The following SNTG1 variants were observed in gnomAD, a reference collection of about 807,000 sequenced individuals.
SNTG1 encodes the protein syntrophin gamma 1.
SNTG1 carries 39 observed loss-of-function variants against 74.7 expected under a neutral mutation model. That is an observed-to-expected ratio of 0.52 (90% CI 0.40 to 0.68). The LOEUF (loss-of-function observed/expected upper bound fraction) is 0.68, where lower values mean the gene tolerates loss of function less well. SNTG1 is among the 30% of genes least tolerant of loss of function. The pLI is 0.00. For missense variants in SNTG1, 685 were observed against 609.5 expected (o/e 1.12, Z -1.30); for synonymous variants, 254 against 217.1 (o/e 1.17, Z -1.49).
Position 50,658,604 on chromosome 8 carries a change from G to A in SNTG1, c.979G>A (p.Asp327Asn). The A allele has an allele frequency of 6.2e-7, 1 of 1,607,538 alleles. No homozygotes were observed. The highest frequency in any genetic ancestry group is 1.3e-5 in the African/African-American group (1 of 74,834). ...TTATCTTTTAAAGGTGACCACCTGGGACTGGACGAGAGCAGAGAAAACATT... is the reference window on the plus strand; with the variant it reads ...TTATCTTTTAAAGGTGACCACCTGGAACTGGACGAGAGCAGAGAAAACATT... ...KFLAPPVTTW[D>N]WTRAEKTFSV... The change falls in exon 15 of 19, where the codon GAC becomes AAC. Residue 327 changes from aspartate to asparagine, a missense_variant. Transcript: ENST00000642720.
chr8:50,346,017 A>G (rs1200293619), intron 2 of SNTG1, among the ~76,000 whole-genome samples: 1 of 152,134 alleles, frequency 6.6e-6, no homozygotes, highest in African/African-American at 2.4e-5. Context: ...TCTTTCATTC[A>G]TGTCTTAATT....
At position 50,686,998 on chromosome 8, in the gene SNTG1, A is replaced by C. The variant is rs3860838; in HGVS notation, c.1039-17602A>C. On this transcript the variant is annotated intron_variant, in intron 15 of 18. Coordinates refer to ENST00000642720, the MANE Select transcript of SNTG1 (RefSeq NM_018967.5). ...AAAATACAAAAAATTAGCCGGGCGC[A>C]GTGGCGGGCGCCTGTAGTCCCAGCT... 7.3e-5 allele frequency among the ~76,000 whole-genome samples: 11 copies of C among 150,090 alleles called. No homozygotes were observed. The East Asian group carries it at 9.8e-4, about 13-fold the overall frequency.
In SNTG1 at chr8:50,535,283, C is replaced by T. The variant is rs78890243; in HGVS notation, c.550-1395C>T. Among the ~76,000 whole-genome samples the T allele has an allele frequency of 2.8e-3, 424 of 152,282 alleles. 3 individuals are homozygous for T. The highest frequency in any genetic ancestry group is 9.8e-3 in the African/African-American group (408 of 41,566). On this transcript the variant is annotated intron_variant, in intron 10 of 18. Transcript: ENST00000642720. ...TCAGTTGGGAAACTGGTATTCAAAT[C>T]TAAGTGTTCTGATTCTGACTTGCAG...
At chr8:50,771,473 T>C (rs919783058) in intron 18 of SNTG1, among the ~76,000 whole-genome samples, 6 of 152,060 alleles carry the variant, frequency 3.9e-5, no homozygotes, top group South Asian at 4.1e-4. Flanking sequence ...TGCAGTAAGA[T>C]TTAAGAGCAA....
chr8:50,158,960 G>T (rs534346076), intron 1 of SNTG1, among the ~76,000 whole-genome samples: 13 of 152,184 alleles, frequency 8.5e-5, no homozygotes, highest in African/African-American at 2.6e-4. Context: ...CAAACCAGTT[G>T]CTCCTCTTAG....
intron 1 of SNTG1, among the ~76,000 whole-genome samples, chr8:49,933,164 G>A (rs1007063969): frequency 6.6e-6 from 1 of 152,078 alleles, no homozygotes; most frequent in East Asian, 1.9e-4. Flanking sequence ...GGGTCATATG[G>A]ACTAACATCA....
chr8:50,744,429 T>A (rs1318610277), intron 17 of SNTG1, among the ~76,000 whole-genome samples: 1 of 151,866 alleles, frequency 6.6e-6, no homozygotes, highest in Non-Finnish European at 1.5e-5. Context: ...ATGAAAGCAA[T>A]ATAAAAGAAA....
At chr8:50,268,492 A>G (rs1207944783) in intron 2 of SNTG1, among the ~76,000 whole-genome samples, 2 of 152,140 alleles carry the variant, frequency 1.3e-5, no homozygotes, top group Non-Finnish European at 2.9e-5. Context: ...GAACAAAAAA[A>G]GAGAATAAAG....
At chr8:50,789,508 A>G (rs978215927) in intron 18 of SNTG1, among the ~76,000 whole-genome samples, 5 of 151,996 alleles carry the variant, frequency 3.3e-5, no homozygotes, top group Non-Finnish European at 7.4e-5. Context: ...CCTTAAATCC[A>G]CACTAATATA....
intron 9 of SNTG1, among the ~76,000 whole-genome samples, chr8:50,528,252 T>C (rs1482669529): frequency 6.6e-6 from 1 of 151,982 alleles, no homozygotes; most frequent in Non-Finnish European, 1.5e-5. Flanking sequence ...ATTTTGTCAT[T>C]AGTTAGGGTA....
intron 2 of SNTG1, among the ~76,000 whole-genome samples, chr8:50,201,155 C>T (rs1008572527): frequency 6.6e-6 from 1 of 152,150 alleles, no homozygotes; most frequent in Non-Finnish European, 1.5e-5. Context: ...AGGTAACATA[C>T]ATCTTATAGC....
intron 18 of SNTG1, among the ~76,000 whole-genome samples, chr8:50,765,070 A>G (rs2095610258): frequency 6.6e-6 from 1 of 152,008 alleles, no homozygotes; most frequent in South Asian, 2.1e-4. Flanking sequence ...TGGAACTCTC[A>G]GAAGAGAAGT....
intron 1 of SNTG1, among the ~76,000 whole-genome samples, chr8:50,073,998 G>A (rs911361060): frequency 1.3e-5 from 2 of 150,066 alleles, no homozygotes; most frequent in Non-Finnish European, 3.0e-5. Flanking sequence ...GTAAGTGAAC[G>A]TTAGCTTCAA....
chr8:50,116,082 C>A (rs995876607), intron 1 of SNTG1, among the ~76,000 whole-genome samples: 3 of 152,030 alleles, frequency 2.0e-5, no homozygotes, highest in Non-Finnish European at 2.9e-5. Context: ...ATATGTCTTT[C>A]TTTTTATTTA....
At chr8:50,436,249 TTCCTGTC>T (rs2093301497) in intron 4 of SNTG1, among the ~76,000 whole-genome samples, 2 of 152,174 alleles carry the variant, frequency 1.3e-5, no homozygotes, top group Non-Finnish European at 2.9e-5. Context: ...AAAGAAATAG[TTCCTGTC>T]ATACAAGAAT....
intron 1 of SNTG1, among the ~76,000 whole-genome samples, chr8:50,102,020 C>T (rs1331890725): frequency 3.0e-4 from 46 of 152,062 alleles, no homozygotes; most frequent in Admixed American, 1.3e-3. Context: ...AATAAACATA[C>T]GTGTGCATGT....
chr8:50,466,997 T>C (rs2093613666), intron 8 of SNTG1, among the ~76,000 whole-genome samples: 1 of 151,962 alleles, frequency 6.6e-6, no homozygotes, highest in Non-Finnish European at 1.5e-5. Context: ...CTTTGATTCA[T>C]ACATGCTTAA....
chr8:50,193,306 G>A (rs982836321), intron 2 of SNTG1, among the ~76,000 whole-genome samples: 2 of 152,062 alleles, frequency 1.3e-5, no homozygotes, highest in African/African-American at 4.8e-5. Context: ...CCATTTGTTT[G>A]TGTCATCTAC....
chr8:50,473,624 T>C (rs1029872425), intron 8 of SNTG1, among the ~76,000 whole-genome samples: 3 of 152,178 alleles, frequency 2.0e-5, no homozygotes, highest in African/African-American at 7.2e-5. Flanking sequence ...CCCATGTTCA[T>C]GGAAGCATTT....
Sources: gnomAD v4.1 joint callset for allele counts (sites outside exome capture counted in the v4.1 genomes callset) on GRCh38, gnomAD v4.1.1 for gene constraint, MANE v1.5 for transcripts, NCBI Gene and HGNC (gene_info 2026-07-23, HGNC 2026-07-21) for gene names.